ITGA5: variants seen among roughly 807,000 people sequenced by gnomAD.
The protein encoded by ITGA5 is integrin subunit alpha 5, also known as integrin alpha-5.
A neutral mutation model predicts 146.3 loss-of-function variants in ITGA5; 55 were observed. The ratio of observed to expected loss-of-function variants is 0.38; its 90% CI spans 0.30 to 0.47. The LOEUF is 0.47. ITGA5 is among the 20% of genes least tolerant of loss of function. ITGA5 has a pLI of 0.99. For missense variants in ITGA5, 1,131 were observed against 1,329.0 expected (o/e 0.85, Z 2.32); for synonymous variants, 500 against 531.8 (o/e 0.94, Z 0.82).
rs999673274 is a variant in ITGA5, at chr12:54,416,637, C to T, written c.218+2344G>A. Among the ~76,000 whole-genome samples, 14 of 152,184 alleles carry T rather than the reference C, an allele frequency of 9.2e-5. No homozygotes were observed. Among genetic ancestry groups the T allele is most frequent in the African/African-American group, 3.4e-4 (14 of 41,432 alleles). The stretch of plus-strand genomic sequence containing the variant: ...CATGTATTGATCACTCTCTGTGGAC[C>T]AGGTTCCTTTTGTATATGTTTTCTC... On this transcript the variant is annotated intron_variant, in intron 1 of 29. Coordinates refer to ENST00000293379, the MANE Select transcript of ITGA5 (RefSeq NM_002205.5). The surrounding 1 kb of genome is among the most constrained non-coding windows in gnomAD (Gnocchi z 4.1).
intron 13 of ITGA5, 66 bp downstream of exon 13, chr12:54,404,636 AG>A (rs1165059477): frequency 9.2e-6 from 14 of 1,516,776 alleles, no homozygotes; most frequent in South Asian, 1.1e-5. Context: ...GGAAAGGTGC[AG>A]AAGAGAGAGT....
chr12:54,407,935 C>A (rs955537423), intron 7 of ITGA5, 59 bp from the exon 8 acceptor site: 1 of 1,539,024 alleles, frequency 6.5e-7, no homozygotes. Flanking sequence ...TCTGCTCTGG[C>A]CTATCCACCA....
chr12:54,411,499 G>C (rs1440640015), intron 2 of ITGA5, among the ~76,000 whole-genome samples: 1 of 152,174 alleles, frequency 6.6e-6, no homozygotes, highest in Admixed American at 6.5e-5. Context: ...CTGTCACTTA[G>C]TCAGTACTTA....
intron 9 of ITGA5, among the ~76,000 whole-genome samples, chr12:54,406,516 T>C (rs1434397771): frequency 6.6e-6 from 1 of 152,236 alleles, no homozygotes; most frequent in Admixed American, 6.5e-5. Flanking sequence ...TCTAGGAGGC[T>C]ACCTCTGGCT....
At position 54,400,062 on chromosome 12, in the gene ITGA5, A is replaced by G; in HGVS notation, c.2644-115T>C. On this transcript the variant is annotated intron_variant, in intron 25 of 29. Transcript: ENST00000293379. ...CTTTCATCTATCTCTTTATTGATTC[A>G]TCCAACTGTCCACCTCCTATGCGCA... 2 of 741,816 alleles carry G rather than the reference A, an allele frequency of 2.7e-6. 1 individual carries two copies. The highest frequency in any genetic ancestry group is 4.2e-5 in the Admixed American group (2 of 47,548). The allele number at this position is 741,816 out of a possible 1,614,324, so 46.0% of individuals were successfully genotyped here. A position where few individuals can be genotyped will look rare whatever the true frequency, so the allele number is the denominator to read the frequency against.
chr12:54,403,208 G>T lies in ITGA5; in HGVS notation c.1893C>A (p.Ser631Arg). 1 of 1,561,138 alleles carries T rather than the reference G, an allele frequency of 6.4e-7. No homozygotes were observed. The highest frequency in any genetic ancestry group is 8.7e-7 in the Non-Finnish European group (1 of 1,155,060). Residue 631 changes from serine (S) to arginine (R), a missense_variant, in exon 18 of 30, where the codon AGC (serine) becomes AGA (arginine). Physicochemically the swap from Ser to Arg is moderately radical, Grantham distance 110 (BLOSUM62 -1). This residue lies in a region of ITGA5 where 889 missense variants were observed against 1,021.5 expected (regional missense o/e 0.87). Transcript: ENST00000293379. The surrounding 1 kb of genome is among the most constrained non-coding windows in gnomAD (Gnocchi z 4.9). Reference protein sequence around the residue: ...HGLRPALHYQSKSRIEDKAQI... With the variant: ...HGLRPALHYQRKSRIEDKAQI... Reference sequence around the variant, plus strand: ...TCACCTTGTCCTCTATCCGGCTCTTGCTCTGATAATGTAGGGCTGGCCTGA... The same window carrying T: ...TCACCTTGTCCTCTATCCGGCTCTTTCTCTGATAATGTAGGGCTGGCCTGA...
Position 54,409,003 on chromosome 12 carries a change from C to A in ITGA5, c.584-49G>T, listed in dbSNP as rs1243690015. ...AATGAGCCCTGCATAGATGGGTCAT[C>A]CAGGAAAGAAGAGAGGGCATAGGGA... On this transcript the variant is annotated intron_variant, in intron 4 of 29. Transcript: ENST00000293379. This position sits in a 1 kb window ranked among gnomAD's most constrained non-coding sequence, Gnocchi z 4.7. 6.4e-7 allele frequency: 1 copy of A among 1,572,222 alleles called. No homozygotes were observed. The highest frequency in any genetic ancestry group is 2.2e-5 in the East Asian group (1 of 44,698).
At position 54,408,145 on chromosome 12, in the gene ITGA5, C is replaced by T. The variant is rs1466212812; in HGVS notation, c.782G>A (p.Arg261His). ...GTCATCATAGATGGAACTGGCCTGG[C>T]GAGTCTGCAGCTGCCCCTGAACCAG... ...INLVQGQLQT[R>H]QASSIYDDSY... is the part of the protein sequence containing the mutation. Residue 261 changes from arginine (R) to histidine (H), a missense_variant, in exon 7 of 30, where the codon CGC (arginine) becomes CAC (histidine). Coordinates refer to ENST00000293379, the MANE Select transcript of ITGA5 (RefSeq NM_002205.5). The T allele has an allele frequency of 1.1e-5, 17 of 1,613,994 alleles. No individual in the cohort carries two copies. The highest frequency in any genetic ancestry group is 1.6e-4 in the Middle Eastern group (1 of 6,078).
In ITGA5 at chr12:54,411,799, A is replaced by AC. The variant is rs542162169; in HGVS notation, c.349+34dup. 1.3e-4 allele frequency: 154 copies of AC among 1,204,248 alleles called. 1 individual carries two copies. In the African/African-American group the frequency reaches 1.5e-3, roughly 12 times the overall value. 74.6% of individuals were successfully genotyped at this position (1,204,248 alleles called of 1,614,324 possible). ...GGCCTTGCCCCCAGGCTGCAGTCCC[A>AC]CCCCCCAGTCCCTCCCTGAATTTCA... On this transcript the variant is annotated intron_variant, in intron 2 of 29. Transcript: ENST00000293379.
intron 1 of ITGA5, among the ~76,000 whole-genome samples, chr12:54,415,791 G>A (rs1956000001): frequency 6.6e-6 from 1 of 152,172 alleles, no homozygotes; most frequent in African/African-American, 2.4e-5. Context: ...CACCTGGTTT[G>A]GGGTCCCCTA....
At position 54,416,813 on chromosome 12, in the gene ITGA5, G is replaced by A. The variant is rs377677866; in HGVS notation, c.218+2168C>T. ...CACACCTACCTCTGTCTGACTGAAA[G>A]CTTTGCCCTTTCCTACCATCTAACT... On this transcript the variant is annotated intron_variant, in intron 1 of 29. Coordinates refer to ENST00000293379, the MANE Select transcript of ITGA5 (RefSeq NM_002205.5). This position sits in a 1 kb window ranked among gnomAD's most constrained non-coding sequence, Gnocchi z 4.1. 1.5e-4 allele frequency among the ~76,000 whole-genome samples: 23 copies of A among 152,368 alleles called. No individual in the cohort carries two copies. The highest frequency in any genetic ancestry group is 3.4e-3 in the Middle Eastern group (1 of 294).
At chr12:54,405,107 A>C (rs964728330) in intron 12 of ITGA5, 59 bp downstream of exon 12, 2 of 1,459,430 alleles carry the variant, frequency 1.4e-6, no homozygotes, top group East Asian at 2.3e-5. Context: ...CCTCTCCCCA[A>C]ATCCCTTCTG....
chr12:54,405,493 G>A (rs1471181089), intron 11 of ITGA5, 119 bp from the exon 12 acceptor site: 1 of 1,011,820 alleles, frequency 9.9e-7, no homozygotes, highest in South Asian at 1.5e-5. Flanking sequence ...TGAGGTCTCT[G>A]ATCATCAGCT....
intron 1 of ITGA5, chr12:54,412,224 T>C (rs1592292681): frequency 6.0e-6 from 2 of 332,394 alleles, no homozygotes. Flanking sequence ...ATCCTGTTCA[T>C]AAAGAGAGGA....
Position 54,396,258 on chromosome 12 carries a change from G to A in ITGA5, c.*35C>T, listed in dbSNP as rs1955708322. On this transcript the variant is annotated 3_prime_UTR_variant, in exon 30 of 30. Coordinates refer to ENST00000293379, the MANE Select transcript of ITGA5 (RefSeq NM_002205.5). The stretch of plus-strand genomic sequence containing the variant: ...CAGTAGAATGAGGGTGGGGGGACTG[G>A]TTCTTCAGGAATGGGAGTCTGAAAT... 1 of 1,530,530 alleles carries A rather than the reference G, an allele frequency of 6.5e-7. No homozygotes were observed. The highest frequency in any genetic ancestry group is 9.1e-7 in the Non-Finnish European group (1 of 1,104,616). 94.8% of individuals were successfully genotyped at this position (1,530,530 alleles called of 1,614,324 possible).
Position 54,416,271 on chromosome 12 carries a change from T to C in ITGA5, c.218+2710A>G, listed in dbSNP as rs966897020. ...TTTTAGTAGAGATGGGGTTTCACCA[T>C]GTTGGCCAGGCTGGTCTCGAACTCC... On this transcript the variant is annotated intron_variant, in intron 1 of 29. Coordinates refer to ENST00000293379, the MANE Select transcript of ITGA5 (RefSeq NM_002205.5). This position sits in a 1 kb window ranked among gnomAD's most constrained non-coding sequence, Gnocchi z 4.1. 6.6e-6 allele frequency among the ~76,000 whole-genome samples: 1 copy of C among 152,220 alleles called. No individual in the cohort carries two copies. Among genetic ancestry groups the C allele is most frequent in the African/African-American group, 2.4e-5 (1 of 41,454 alleles).
chr12:54,403,354 C>G lies in ITGA5; in HGVS notation c.1777-30G>C, dbSNP rs1955815570. On this transcript the variant is annotated intron_variant, in intron 17 of 29. Transcript: ENST00000293379. The surrounding 1 kb of genome is among the most constrained non-coding windows in gnomAD (Gnocchi z 4.9). ...GGCCAGAGGAGAGAGTTCACGGAGTCAGGGGACTCTGGAGACTTAGTGGCC... is the reference window on the plus strand; with the variant it reads ...GGCCAGAGGAGAGAGTTCACGGAGTGAGGGGACTCTGGAGACTTAGTGGCC... 1 of 1,503,248 alleles carries G rather than the reference C, an allele frequency of 6.7e-7. No individual in the cohort carries two copies. Among genetic ancestry groups the G allele is most frequent in the South Asian group, 1.4e-5 (1 of 72,346 alleles). 93.1% of individuals were successfully genotyped at this position (1,503,248 alleles called of 1,614,324 possible).
chr12:54,399,956 G>C lies in ITGA5; in HGVS notation c.2644-9C>G. ...GAACCCTCGGGATCCAACTATAAAA[G>C]AAAGTGTTGGGCCCCTTTCCCATCT... On this transcript the variant is annotated splice_polypyrimidine_tract_variant and intron_variant, in intron 25 of 29. Coordinates refer to ENST00000293379, the MANE Select transcript of ITGA5 (RefSeq NM_002205.5). The C allele has an allele frequency of 6.2e-7, 1 of 1,607,526 alleles. No homozygotes were observed. Among genetic ancestry groups the C allele is most frequent in the Non-Finnish European group, 8.5e-7 (1 of 1,174,080 alleles).
Position 54,415,401 on chromosome 12 carries a change from G to A in ITGA5, c.219-3437C>T, listed in dbSNP as rs115119273. Among the ~76,000 whole-genome samples, 654 of 152,270 alleles carry A rather than the reference G, an allele frequency of 4.3e-3. 9 individuals are homozygous for A. The highest frequency in any genetic ancestry group is 0.014 in the African/African-American group (583 of 41,528). On this transcript the variant is annotated intron_variant, in intron 1 of 29. Coordinates refer to ENST00000293379, the MANE Select transcript of ITGA5 (RefSeq NM_002205.5). ...GTGCCTGAGGCCACATGGCATAAAG[G>A]CAGACTGGCCTCGTTCTGACACTCC...
Sources: allele counts gnomAD v4.1 joint callset (sites outside exome capture counted in the v4.1 genomes callset), GRCh38; gene constraint gnomAD v4.1.1; regional missense constraint gnomAD v4.1.1; non-coding constraint Gnocchi (gnomAD v3.1); transcripts MANE v1.5; gene names NCBI Gene and HGNC (gene_info 2026-07-23, HGNC 2026-07-21).